The following TRHDE variants were observed in gnomAD, a reference collection of about 807,000 sequenced individuals.
TRHDE encodes thyrotropin-releasing hormone-degrading ectoenzyme.
TRHDE carries 72 observed loss-of-function variants against 125.7 expected under a neutral mutation model. The observed-to-expected ratio is 0.57, with a 90% CI of 0.47 to 0.70. The LOEUF (loss-of-function observed/expected upper bound fraction) is 0.70, where lower values mean the gene tolerates loss of function less well. TRHDE is among the 30% of genes least tolerant of loss of function. TRHDE has a pLI of 0.00. For synonymous variants in TRHDE, 509 were observed against 509.1 expected, an observed-to-expected ratio of 1.00 and a Z score of 0.00; for missense variants, 1,110 against 1,327.1, an observed-to-expected ratio of 0.84 and a Z score of 2.54.
chr12:72,590,583 G>T (rs1284593737), intron 12 of TRHDE, among the ~76,000 whole-genome samples: 1 of 151,876 alleles, frequency 6.6e-6, no homozygotes, highest in Non-Finnish European at 1.5e-5. Context: ...TATCTTCCTT[G>T]TACCTGGTGA....
intron 6 of TRHDE, among the ~76,000 whole-genome samples, chr12:72,519,322 T>G (rs1879052914): frequency 6.6e-6 from 1 of 152,246 alleles, no homozygotes; most frequent in South Asian, 2.1e-4. Flanking sequence ...AGTCCCATAT[T>G]TCTTGGCGGC....
rs143647093 is a variant in TRHDE at position 72,227,582 on chromosome 12, G to C, written n.279+121830G>C. ...GCCCCAGGCCCCTCCCAAACCTCATGTCCTCACATTTCAAAACCAATCATA... is the reference window on the plus strand; with the variant it reads ...GCCCCAGGCCCCTCCCAAACCTCATCTCCTCACATTTCAAAACCAATCATA... On this transcript the variant is annotated intron_variant and non_coding_transcript_variant, in intron 2 of 4. Transcript: ENST00000548156. Among the ~76,000 whole-genome samples, 31 of 152,190 alleles carry C rather than the reference G, an allele frequency of 2.0e-4. No individual in the cohort carries two copies. In the East Asian group the frequency reaches 5.6e-3, roughly 28 times the overall value.
intron 2 of TRHDE, among the ~76,000 whole-genome samples, chr12:72,183,354 G>T (rs918066939): frequency 1.3e-5 from 2 of 152,182 alleles, no homozygotes; most frequent in African/African-American, 4.8e-5. Flanking sequence ...CCCAGAAATT[G>T]CACAGAATGT....
intron 3 of TRHDE, among the ~76,000 whole-genome samples, chr12:72,466,314 GGCTTGATAT>G (rs938774370): frequency 1.2e-4 from 18 of 152,180 alleles, no homozygotes; most frequent in African/African-American, 4.3e-4. Flanking sequence ...CCCAATGTGT[GGCTTGATAT>G]GCTAGCTTAG....
intron 12 of TRHDE, among the ~76,000 whole-genome samples, chr12:72,584,647 G>A (rs888326605): frequency 2.6e-5 from 4 of 152,076 alleles, no homozygotes; most frequent in African/African-American, 9.7e-5. Context: ...GTGAGATTAT[G>A]TGGTATTTTC....
chr12:72,311,576 A>G (rs993583092), intron 2 of TRHDE, among the ~76,000 whole-genome samples: 5 of 152,214 alleles, frequency 3.3e-5, no homozygotes, highest in Middle Eastern at 3.2e-3. Context: ...CATGAAACAA[A>G]TGATACTTTA....
At position 72,520,335 on chromosome 12, in the gene TRHDE, AT is replaced by A. The variant is rs1034411675; in HGVS notation, c.1722+20701del. Among the ~76,000 whole-genome samples the A allele has an allele frequency of 5.8e-4, 88 of 152,240 alleles. 1 individual carries two copies. Among genetic ancestry groups the A allele is most frequent in the African/African-American group, 1.9e-3 (78 of 41,546 alleles). Reference sequence around the variant, plus strand: ...CCCTCCGAGCCAGGTGCGGGATATAATCTCGTGGTGCGCCATTTTTTAAGCC... The same window carrying A: ...CCCTCCGAGCCAGGTGCGGGATATAACTCGTGGTGCGCCATTTTTTAAGCC... On this transcript the variant is annotated intron_variant, in intron 6 of 18. Transcript: ENST00000261180.
At chr12:72,456,050 T>C (rs551709088) in intron 3 of TRHDE, among the ~76,000 whole-genome samples, 73 of 151,216 alleles carry the variant, frequency 4.8e-4, no homozygotes, top group Admixed American at 1.5e-3. Flanking sequence ...ATATGTAATA[T>C]TATGCAGTAT....
At chr12:72,352,200 G>T (rs1886936919) in intron 2 of TRHDE, among the ~76,000 whole-genome samples, 1 of 151,526 alleles carries the variant, frequency 6.6e-6, no homozygotes, top group Admixed American at 6.6e-5. Flanking sequence ...GATTGACTGA[G>T]TGAATCAGCA....
At chr12:72,193,129 A>G (rs910352233) in intron 2 of TRHDE, among the ~76,000 whole-genome samples, 1 of 152,092 alleles carries the variant, frequency 6.6e-6, no homozygotes, top group Admixed American at 6.5e-5. Flanking sequence ...AGTATACAAA[A>G]TTTTGCCATT....
chr12:72,543,039 A>C (rs1869232213), intron 7 of TRHDE, among the ~76,000 whole-genome samples: 1 of 151,346 alleles, frequency 6.6e-6, no homozygotes, highest in African/African-American at 2.4e-5. Flanking sequence ...GCTGTGATTG[A>C]TGAATTATTT....
chr12:72,238,277 T>A (rs1203475692), intron 2 of TRHDE, among the ~76,000 whole-genome samples: 7 of 6,632 alleles, frequency 1.1e-3, no homozygotes, highest in Non-Finnish European at 1.9e-3. Context: ...AGATCCTTAA[T>A]ATATATATAT....
At chr12:72,252,253 T>C (rs1470388111) in intron 2 of TRHDE, among the ~76,000 whole-genome samples, 1 of 152,114 alleles carries the variant, frequency 6.6e-6, no homozygotes, top group Non-Finnish European at 1.5e-5. Context: ...TGTGAAATGT[T>C]TTATATTTTA....
chr12:72,552,071 T>A (rs1869701759), intron 7 of TRHDE, among the ~76,000 whole-genome samples: 1 of 152,176 alleles, frequency 6.6e-6, no homozygotes, highest in Admixed American at 6.5e-5. Flanking sequence ...CAGCCAACCA[T>A]GCATTGCCCA....
intron 5 of TRHDE, among the ~76,000 whole-genome samples, chr12:72,492,829 C>T (rs1877743099): frequency 6.6e-6 from 1 of 151,754 alleles, no homozygotes; most frequent in Non-Finnish European, 1.5e-5. Flanking sequence ...CTTATTTGTT[C>T]TCTTTATGGT....
At position 72,377,007 on chromosome 12, in the gene TRHDE, G is replaced by C. The variant is rs546073934; in HGVS notation, c.1189-988G>C. The stretch of plus-strand genomic sequence containing the variant: ...CAACACCTTCATTTTATAAATGAGA[G>C]TGTTTGAGACCCAAAGAAATTAAGT... On this transcript the variant is annotated intron_variant, in intron 2 of 18. Transcript: ENST00000261180. Among the ~76,000 whole-genome samples, 115 of 152,228 alleles carry C rather than the reference G, an allele frequency of 7.6e-4. 1 individual carries two copies. Among genetic ancestry groups the C allele is most frequent in the African/African-American group, 2.6e-3 (109 of 41,564 alleles).
At position 72,272,990 on chromosome 12, in the gene TRHDE, G is replaced by T. The variant is rs377578405; in HGVS notation, c.347G>T (p.Ser116Ile). 1.9e-4 allele frequency: 289 copies of T among 1,552,358 alleles called. 1 individual carries two copies. The highest frequency in any genetic ancestry group is 2.5e-4 in the Non-Finnish European group (285 of 1,155,378). ...CTGCGCTTCGACGAGTGCGGGGCGA[G>T]TGCCACGCCAGGCGCCGACGGTGGC... The part of the protein sequence containing the change: ...LSLRFDECGA[S>I]ATPGADGGPS... The change falls in exon 1 of 19, where the codon AGT (serine) becomes ATT (isoleucine). Residue 116 changes from serine to isoleucine, a missense_variant. Coordinates refer to ENST00000261180, the MANE Select transcript of TRHDE (RefSeq NM_013381.3). The surrounding 1 kb of genome is among the most constrained non-coding windows in gnomAD (Gnocchi z 6.7).
At position 72,273,720 on chromosome 12, in the gene TRHDE, TC is replaced by T; in HGVS notation, c.914+166del. On this transcript the variant is annotated intron_variant, in intron 1 of 18. Transcript: ENST00000261180. The surrounding 1 kb of genome is among the most constrained non-coding windows in gnomAD (Gnocchi z 5.3). ...GTAGGGCAGTCAGAACTCCGGGGTCTCCCAGATGCCTCGGGGTCTCGCTGCC... is the reference window on the plus strand; with the variant it reads ...GTAGGGCAGTCAGAACTCCGGGGTCTCCAGATGCCTCGGGGTCTCGCTGCC... The T allele has an allele frequency of 3.2e-6, 2 of 629,118 alleles. No individual in the cohort carries two copies. Among genetic ancestry groups the T allele is most frequent in the Non-Finnish European group, 5.4e-6 (2 of 371,010 alleles). 39.0% of individuals were successfully genotyped at this position (629,118 alleles called of 1,614,324 possible).
At chr12:72,308,307 G>A (rs1474163487) in intron 2 of TRHDE, among the ~76,000 whole-genome samples, 2 of 152,186 alleles carry the variant, frequency 1.3e-5, no homozygotes, top group East Asian at 3.9e-4. Flanking sequence ...TCAGACAATT[G>A]ATATCTGAGA....
Sources: gnomAD v4.1 joint callset for allele counts (sites outside exome capture counted in the v4.1 genomes callset) on GRCh38, gnomAD v4.1.1 for gene constraint, Gnocchi (gnomAD v3.1) non-coding constraint, MANE v1.5 for transcripts, NCBI Gene and HGNC (gene_info 2026-07-23, HGNC 2026-07-21) for gene names.